DST: variants seen among roughly 807,000 people sequenced by gnomAD.
DST encodes bullous pemphigoid antigen.
Under a neutral mutation model 875.2 loss-of-function variants are expected in DST, and 253 were observed. The ratio of observed to expected loss-of-function variants is 0.29; its 90% CI spans 0.26 to 0.32. DST has a LOEUF of 0.32. Among genes scored for constraint, DST ranks in the 10% least tolerant of loss-of-function variants. The pLI is 1.00. For missense variants in DST, 8,287 were observed against 9,111.6 expected (o/e 0.91, Z 3.68); for synonymous variants, 3,124 against 3,197.1 (o/e 0.98, Z 0.77).
At chr6:56,634,032 G>A in intron 27 of DST, 100 bp downstream of exon 27, 1 of 1,354,170 alleles carries the variant, frequency 7.4e-7, no homozygotes, top group East Asian at 2.3e-5. Context: ...GGATTTGCCG[G>A]ACTCCATCCT....
At chr6:56,563,596 G>A (rs148108550) in intron 55 of DST, among the ~76,000 whole-genome samples, 137 of 152,200 alleles carry the variant, frequency 9.0e-4, no homozygotes, top group African/African-American at 3.1e-3. Flanking sequence ...GATCCCATTT[G>A]TCAATTTTGG....
intron 5 of DST, among the ~76,000 whole-genome samples, chr6:56,728,712 G>A (rs1243218158): frequency 6.6e-6 from 1 of 151,894 alleles, no homozygotes; most frequent in East Asian, 1.9e-4. Flanking sequence ...AATAAAGCAG[G>A]TTAAAGAGAC....
chr6:56,668,529 G>C (rs889684036), intron 10 of DST, among the ~76,000 whole-genome samples: 1 of 151,984 alleles, frequency 6.6e-6, no homozygotes, highest in Non-Finnish European at 1.5e-5. Flanking sequence ...ATCACCTGAG[G>C]TAAGGAGTTC....
At chr6:56,781,206 G>A (rs191105011) in intron 4 of DST, among the ~76,000 whole-genome samples, 79 of 151,768 alleles carry the variant, frequency 5.2e-4, no homozygotes, top group African/African-American at 1.8e-3. Flanking sequence ...TTGGTGATGC[G>A]GGCTTTTTGA....
intron 4 of DST, among the ~76,000 whole-genome samples, chr6:56,806,795 CTT>C (rs753229701): frequency 1.6e-4 from 25 of 152,294 alleles, no homozygotes; most frequent in Middle Eastern, 6.8e-3. Flanking sequence ...CATCAATTCA[CTT>C]AACCCTTAGA....
chr6:56,557,752 G>C (rs965027496), intron 58 of DST, among the ~76,000 whole-genome samples: 2 of 152,128 alleles, frequency 1.3e-5, no homozygotes, highest in Non-Finnish European at 2.9e-5. Context: ...AGATATCGTA[G>C]AATATCGAAT....
intron 2 of DST, among the ~76,000 whole-genome samples, chr6:56,901,765 G>A (rs1794243595): frequency 6.6e-6 from 1 of 152,098 alleles, no homozygotes; most frequent in Non-Finnish European, 1.5e-5. Flanking sequence ...AGCAAGATGA[G>A]TATAAGGACA....
chr6:56,584,724 G>A (rs2098110186), intron 49 of DST, among the ~76,000 whole-genome samples: 1 of 152,102 alleles, frequency 6.6e-6, no homozygotes. Context: ...GATATTGGCT[G>A]TGGGTCTGTC....
In DST at chr6:56,557,318, C is replaced by A; in HGVS notation, c.14640+1G>T. The A allele has an allele frequency of 6.2e-7, 1 of 1,612,364 alleles. No individual in the cohort carries two copies. Among genetic ancestry groups the A allele is most frequent in the African/African-American group, 1.3e-5 (1 of 74,988 alleles). The stretch of plus-strand genomic sequence containing the variant: ...GAGACAGGTTATTAGGTAATACTCA[C>A]CTGCACCTGCTGCCTTTGTGTGTTT... On this transcript the variant is annotated splice_donor_variant, in intron 59 of 103. Transcript: ENST00000680361. LOFTEE classifies it high-confidence loss of function.
rs771859474 is a variant in DST, at chr6:56,578,819, G to A, written c.13022C>T (p.Thr4341Ile). ...CAAGGACATGAATATCTTACCAAGT[G>A]TTTTCTGGATATCATTCTTGGCTGG... ...LLPAKNDIQK[T>I]LDDIVGRYED... Residue 4341 changes from threonine (T) to isoleucine (I), a missense_variant, in exon 50 of 104, where the codon ACA becomes ATA. Around this residue, in one of 10 missense-constraint regions of DST, gnomAD observed 1,513 missense variants for 1,677.8 expected, o/e 0.90. Coordinates refer to ENST00000680361, the MANE Select transcript of DST (RefSeq NM_001374736.1). The A allele has an allele frequency of 6.2e-7, 1 of 1,612,040 alleles. No individual in the cohort carries two copies. The highest frequency in any genetic ancestry group is 8.5e-7 in the Non-Finnish European group (1 of 1,179,110).
intron 23 of DST, among the ~76,000 whole-genome samples, 192 bp downstream of exon 23, chr6:56,636,365 T>C (rs1165356531): frequency 1.3e-5 from 2 of 148,236 alleles, no homozygotes; most frequent in Non-Finnish European, 2.9e-5. Flanking sequence ...TATGTGTGTG[T>C]ATATATATAC....
intron 49 of DST, among the ~76,000 whole-genome samples, chr6:56,582,488 G>A (rs190898807): frequency 2.7e-4 from 41 of 150,846 alleles, no homozygotes; most frequent in Middle Eastern, 3.5e-3. Flanking sequence ...AAAGTTCCCT[G>A]AGGCTTCCCC....
At chr6:56,892,322 C>CTT (rs1167025436) in intron 3 of DST, among the ~76,000 whole-genome samples, 93 of 133,926 alleles carry the variant, frequency 6.9e-4, no homozygotes, top group Admixed American at 8.3e-4. Flanking sequence ...ATTCCTATCC[C>CTT]TTTTTTTTTT....
chr6:56,608,543 C>A lies in DST; in HGVS notation c.6085G>T (p.Val2029Phe). 1 of 1,613,504 alleles carries A rather than the reference C, an allele frequency of 6.2e-7. No individual in the cohort carries two copies. The highest frequency in any genetic ancestry group is 8.5e-7 in the Non-Finnish European group (1 of 1,179,722). ...GACTGGATGATTCCACCAGTTTGAA[C>A]CTGATATGTGAGGATACTGCTAGCA... ...DTASSILTYQ[V>F]QTGGIIQSNP... The change falls in exon 40 of 104, where the codon GTT (valine) becomes TTT (phenylalanine). Residue 2029 changes from valine to phenylalanine, a missense_variant. Around this residue, in one of 10 missense-constraint regions of DST, gnomAD observed 3,138 missense variants for 3,116.6 expected, o/e 1.01. Transcript: ENST00000680361.
At chr6:56,719,353 C>A (rs892753949) in intron 5 of DST, among the ~76,000 whole-genome samples, 5 of 152,150 alleles carry the variant, frequency 3.3e-5, no homozygotes, top group African/African-American at 1.2e-4. Flanking sequence ...CTGTCAGTGT[C>A]AACCACTATA....
At chr6:56,893,377 CCA>C (rs1230530087) in intron 3 of DST, among the ~76,000 whole-genome samples, 3 of 152,218 alleles carry the variant, frequency 2.0e-5, no homozygotes, top group South Asian at 2.1e-4. Flanking sequence ...TATAGATACA[CCA>C]CAGTTTCTTT....
chr6:56,812,098 A>G (rs2099760715), intron 4 of DST, among the ~76,000 whole-genome samples: 1 of 141,036 alleles, frequency 7.1e-6, no homozygotes, highest in Admixed American at 7.1e-5. Flanking sequence ...AGAGACTCTG[A>G]CTCAAAAAAA....
chr6:56,663,568 A>G (rs1226403368), intron 10 of DST, among the ~76,000 whole-genome samples: 1 of 152,150 alleles, frequency 6.6e-6, no homozygotes, highest in Non-Finnish European at 1.5e-5. Flanking sequence ...CCGGTATTAA[A>G]CCAGTCCAAT....
chr6:56,922,775 A>G (rs1441676318), intron 2 of DST, among the ~76,000 whole-genome samples: 1 of 152,086 alleles, frequency 6.6e-6, no homozygotes, highest in African/African-American at 2.4e-5. Context: ...TATTGTTTGG[A>G]ATTTCTACTA....
Sources: gnomAD v4.1 joint callset for allele counts (sites outside exome capture counted in the v4.1 genomes callset) on GRCh38, gnomAD v4.1.1 for gene constraint, gnomAD v4.1.1 regional missense constraint, MANE v1.5 for transcripts, NCBI Gene and HGNC (gene_info 2026-07-23, HGNC 2026-07-21) for gene names.